EIF4G3: variants seen among roughly 807,000 people sequenced by gnomAD.
EIF4G3 encodes the protein eukaryotic translation initiation factor 4 gamma 3, also known as eIF-4-gamma 3.
A neutral mutation model predicts 186.4 loss-of-function variants in EIF4G3; 34 were observed. That is an observed-to-expected ratio of 0.18 (90% confidence interval 0.14 to 0.24). The LOEUF (loss-of-function observed/expected upper bound fraction) is 0.24, where lower values mean the gene tolerates loss of function less well. Ranked by LOEUF, EIF4G3 falls within the 10% of genes least tolerant of loss-of-function variation. The pLI, the probability that EIF4G3 is intolerant of heterozygous loss-of-function variation, is 1.00. For synonymous variants in EIF4G3, 673 were observed against 679.5 expected (o/e 0.99, Z 0.15); for missense variants, 1,536 against 1,948.5 (o/e 0.79, Z 3.99).
intron 14 of EIF4G3, among the ~76,000 whole-genome samples, chr1:20,920,163 C>T (rs1419256304): frequency 6.6e-6 from 1 of 152,198 alleles, no homozygotes; most frequent in Non-Finnish European, 1.5e-5. Context: ...GCCTCGACCT[C>T]CCAAAGTGCT....
chr1:20,820,835 C>G (rs1258193884), intron 33 of EIF4G3, among the ~76,000 whole-genome samples: 1 of 151,954 alleles, frequency 6.6e-6, no homozygotes, highest in Non-Finnish European at 1.5e-5. Context: ...ACCCTCTCCT[C>G]TGAGAGCTTC....
At chr1:21,136,100 G>A (rs1417954089) in intron 2 of EIF4G3, among the ~76,000 whole-genome samples, 2 of 151,824 alleles carry the variant, frequency 1.3e-5, no homozygotes, top group Non-Finnish European at 1.5e-5. Context: ...GGAGAATGGC[G>A]TGAACCCGGG....
intron 4 of EIF4G3, among the ~76,000 whole-genome samples, chr1:21,018,684 TG>T (rs2089915557): frequency 6.6e-6 from 1 of 152,190 alleles, no homozygotes; most frequent in African/African-American, 2.4e-5. Flanking sequence ...TTAAGGGAGT[TG>T]ATCTCTCATG....
rs2095746283 is a variant in EIF4G3, at chr1:20,942,255, T to C, written c.899A>G (p.Lys300Arg). 1 of 1,614,012 alleles carries C rather than the reference T, an allele frequency of 6.2e-7. No individual in the cohort carries two copies. ...VLRLVLSGEK[K>R]EQEGQTSETT... ...TTCAGATGTCTGGCCTTCTTGTTCT[T>C]TCTTCTCTCCACTGAGGACTAGCCT... Residue 300 changes from lysine (K) to arginine (R), a missense_variant, in exon 14 of 37, where the codon AAA (lysine) becomes AGA (arginine). Coordinates refer to ENST00000602326, the MANE Select transcript of EIF4G3 (RefSeq NM_001391906.1).
chr1:20,875,736 A>C (rs886475174), intron 20 of EIF4G3, among the ~76,000 whole-genome samples: 1 of 152,126 alleles, frequency 6.6e-6, no homozygotes, highest in Admixed American at 6.5e-5. Flanking sequence ...ACATATTGAG[A>C]TTCTGTCTCT....
intron 34 of EIF4G3, among the ~76,000 whole-genome samples, chr1:20,816,097 G>A (rs1302841688): frequency 7.5e-6 from 1 of 133,896 alleles, no homozygotes; most frequent in Non-Finnish European, 1.6e-5. Context: ...CGGAAGGGAG[G>A]TGGGGGGATC....
intron 4 of EIF4G3, among the ~76,000 whole-genome samples, chr1:21,048,923 T>G (rs1253203653): frequency 6.6e-6 from 1 of 152,208 alleles, no homozygotes; most frequent in African/African-American, 2.4e-5. Context: ...TACATCTGAA[T>G]GTGCCACCTT....
intron 4 of EIF4G3, among the ~76,000 whole-genome samples, chr1:21,020,084 C>G (rs2090304722): frequency 6.6e-6 from 1 of 152,090 alleles, no homozygotes; most frequent in Non-Finnish European, 1.5e-5. Flanking sequence ...TAACATCATC[C>G]CATGTGGAAT....
At chr1:21,157,374 T>C (rs1056409090) in intron 2 of EIF4G3, among the ~76,000 whole-genome samples, 3 of 152,106 alleles carry the variant, frequency 2.0e-5, no homozygotes, top group African/African-American at 7.2e-5. Flanking sequence ...TTTTTTTTGT[T>C]TGTTTTTTTT....
intron 18 of EIF4G3, among the ~76,000 whole-genome samples, chr1:20,892,252 G>C (rs1023746539): frequency 6.6e-6 from 1 of 152,088 alleles, no homozygotes; most frequent in African/African-American, 2.4e-5. Flanking sequence ...CAAACCCCAA[G>C]CTCCTCCAAA....
chr1:21,058,439 T>C (rs2094680884), intron 3 of EIF4G3, among the ~76,000 whole-genome samples: 1 of 152,142 alleles, frequency 6.6e-6, no homozygotes. Context: ...AAATAAACCA[T>C]ATATTGGTAT....
chr1:20,934,727 A>G (rs1405590783), intron 14 of EIF4G3, among the ~76,000 whole-genome samples: 2 of 152,130 alleles, frequency 1.3e-5, no homozygotes, highest in Non-Finnish European at 2.9e-5. Flanking sequence ...TAATAGACAA[A>G]GTAGGAGTTA....
intron 2 of EIF4G3, among the ~76,000 whole-genome samples, chr1:21,114,698 G>A (rs1006588574): frequency 2.0e-5 from 3 of 151,748 alleles, no homozygotes; most frequent in African/African-American, 4.8e-5. Flanking sequence ...ATGTATATTC[G>A]AAGGCCAACA....
intron 20 of EIF4G3, among the ~76,000 whole-genome samples, chr1:20,869,306 A>ATTTTTTTTTT (rs954573350): frequency 1.0e-5 from 1 of 97,396 alleles, no homozygotes. Flanking sequence ...TTACTTTAAA[A>ATTTTTTTTTT]TTTTTTTTTT....
chr1:20,934,779 G>A (rs1430032529), intron 14 of EIF4G3, among the ~76,000 whole-genome samples: 1 of 151,990 alleles, frequency 6.6e-6, no homozygotes, highest in East Asian at 1.9e-4. Context: ...TTTTTCAAAA[G>A]GAAAAAGAGG....
intron 2 of EIF4G3, among the ~76,000 whole-genome samples, chr1:21,142,700 CT>C (rs774228897): frequency 3.9e-5 from 6 of 152,276 alleles, no homozygotes; most frequent in Admixed American, 1.3e-4. Context: ...CTCTGACATA[CT>C]TCCCTTCATA....
intron 27 of EIF4G3, among the ~76,000 whole-genome samples, chr1:20,852,898 A>C (rs940337493): frequency 1.3e-5 from 2 of 152,174 alleles, no homozygotes; most frequent in African/African-American, 2.4e-5. Flanking sequence ...AATAATAAAA[A>C]GCCTGATGGG....
chr1:21,016,801 C>T (rs1369768162), intron 4 of EIF4G3, among the ~76,000 whole-genome samples: 1 of 152,034 alleles, frequency 6.6e-6, no homozygotes, highest in Non-Finnish European at 1.5e-5. Context: ...AACTCCATCT[C>T]TACTAAAAAA....
intron 33 of EIF4G3, among the ~76,000 whole-genome samples, chr1:20,824,867 G>A (rs1459200073): frequency 6.6e-6 from 1 of 151,954 alleles, no homozygotes; most frequent in Non-Finnish European, 1.5e-5. Flanking sequence ...GCTTGCTGTA[G>A]CTTGTTTTTC....
Sources: allele counts gnomAD v4.1 joint callset (sites outside exome capture counted in the v4.1 genomes callset), GRCh38; gene constraint gnomAD v4.1.1; transcripts MANE v1.5; gene names NCBI Gene and HGNC (gene_info 2026-07-23, HGNC 2026-07-21).